Variants in RAD51B observed in about 807,000 individuals in gnomAD.
RAD51B encodes the protein DNA repair protein RAD51 homolog 2.
A neutral mutation model predicts 42.2 loss-of-function variants in RAD51B; 38 were observed. The observed-to-expected ratio is 0.90, with a 90% CI of 0.70 to 1.18. The LOEUF is 1.18. Ranked by LOEUF, RAD51B falls within the 50% of genes most tolerant of loss-of-function variation. The pLI is 0.00. For missense variants in RAD51B, 373 were observed against 400.7 expected (o/e 0.93, Z 0.59); for synonymous variants, 154 against 145.2 (o/e 1.06, Z -0.43).
chr14:68,567,458 C>G lies in RAD51B; in HGVS notation c.1037-27027C>G, dbSNP rs962402372. Among the ~76,000 whole-genome samples the G allele has an allele frequency of 3.9e-5, 6 of 152,188 alleles. No homozygotes were observed. The South Asian group carries it at 8.3e-4, about 21-fold the overall frequency. On this transcript the variant is annotated intron_variant, in intron 10 of 10. Transcript: ENST00000487270. ...CCACACCAGAGTGGTACATTTGTTA[C>G]AACTGATGAACCTACACTGACATCA...
intron 7 of RAD51B, among the ~76,000 whole-genome samples, chr14:67,929,660 C>G (rs969368737): frequency 2.6e-5 from 4 of 152,100 alleles, no homozygotes; most frequent in Admixed American, 2.6e-4. Context: ...CTCTTAAATG[C>G]TGAGATTGGG....
intron 8 of RAD51B, among the ~76,000 whole-genome samples, chr14:68,374,744 C>T (rs150984692): frequency 1.3e-5 from 2 of 148,782 alleles, no homozygotes; most frequent in African/African-American, 5.0e-5. Context: ...CTTCCCATAC[C>T]CTAACAGTAT....
chr14:68,265,917 A>C (rs750490563), intron 7 of RAD51B, among the ~76,000 whole-genome samples: 1 of 152,250 alleles, frequency 6.6e-6, no homozygotes, highest in Non-Finnish European at 1.5e-5. Context: ...CTCATTTATA[A>C]CATGAATTAT....
chr14:68,218,675 CTG>C (rs972072525), intron 7 of RAD51B, among the ~76,000 whole-genome samples: 1 of 152,146 alleles, frequency 6.6e-6, no homozygotes, highest in African/African-American at 2.4e-5. Context: ...TAGTTAAAAA[CTG>C]TGAAAAACTG....
At chr14:68,375,182 A>G (rs2083342060) in intron 8 of RAD51B, among the ~76,000 whole-genome samples, 1 of 151,830 alleles carries the variant, frequency 6.6e-6, no homozygotes, top group Non-Finnish European at 1.5e-5. Flanking sequence ...TTCAGGAGCC[A>G]GGGTGTGAGG....
intron 7 of RAD51B, among the ~76,000 whole-genome samples, chr14:68,252,559 A>T (rs2080658365): frequency 6.6e-6 from 1 of 152,206 alleles, no homozygotes; most frequent in Admixed American, 6.5e-5. Flanking sequence ...TGGTATTTTA[A>T]TAGGGTCACA....
intron 7 of RAD51B, among the ~76,000 whole-genome samples, chr14:67,905,437 T>C (rs1371969843): frequency 1.3e-5 from 2 of 152,162 alleles, no homozygotes; most frequent in Admixed American, 6.5e-5. Flanking sequence ...TAGGTTTTTT[T>C]CCAATTCTGT....
At chr14:68,654,656 G>A (rs1892772230) in intron 11 of RAD51B, among the ~76,000 whole-genome samples, 1 of 152,200 alleles carries the variant, frequency 6.6e-6, no homozygotes, top group African/African-American at 2.4e-5. Flanking sequence ...TGCAGTTGGT[G>A]AGGATCGTGA....
intron 10 of RAD51B, among the ~76,000 whole-genome samples, chr14:68,475,931 G>A (rs942990016): frequency 6.6e-6 from 1 of 151,404 alleles, no homozygotes; most frequent in African/African-American, 2.4e-5. Context: ...AGAACTTCAT[G>A]TTCTTTCTGG....
intron 9 of RAD51B, chr14:68,422,114 T>G (rs1239810652): frequency 1.4e-6 from 2 of 1,461,492 alleles, no homozygotes; most frequent in African/African-American, 2.8e-5. Context: ...CTTTGGGATC[T>G]TGTCTGCAAA....
intron 7 of RAD51B, among the ~76,000 whole-genome samples, chr14:68,004,904 A>G (rs1281921136): frequency 2.0e-5 from 3 of 151,900 alleles, no homozygotes; most frequent in Admixed American, 2.0e-4. Context: ...TCTGTAGTGT[A>G]TTTGTGAGAT....
chr14:68,224,884 G>A (rs1269819492), intron 7 of RAD51B, among the ~76,000 whole-genome samples: 1 of 151,860 alleles, frequency 6.6e-6, no homozygotes, highest in Non-Finnish European at 1.5e-5. Flanking sequence ...GTAGAGACGG[G>A]GTTTCACCAT....
At chr14:68,475,641 T>C (rs1168696007) in intron 10 of RAD51B, among the ~76,000 whole-genome samples, 2 of 152,088 alleles carry the variant, frequency 1.3e-5, no homozygotes, top group South Asian at 2.1e-4. Flanking sequence ...TCCAAAGTCA[T>C]AGACCAAACA....
At chr14:67,865,535 CTTTTTTTTTT>C (rs34247540) in intron 5 of RAD51B, among the ~76,000 whole-genome samples, 1 of 89,964 alleles carries the variant, frequency 1.1e-5, no homozygotes, top group Non-Finnish European at 2.2e-5. Context: ...CTGTGCCTGG[CTTTTTTTTTT>C]TTTTTTTTTT....
intron 7 of RAD51B, among the ~76,000 whole-genome samples, chr14:68,220,823 C>T (rs1310043163): frequency 6.6e-6 from 1 of 152,152 alleles, no homozygotes; most frequent in Non-Finnish European, 1.5e-5. Context: ...AGCAGCCAAG[C>T]TGAGAATCAA....
At chr14:67,846,742 G>A (rs1449800292) in intron 4 of RAD51B, among the ~76,000 whole-genome samples, 1 of 152,146 alleles carries the variant, frequency 6.6e-6, no homozygotes, top group Non-Finnish European at 1.5e-5. Context: ...GATTGGACTG[G>A]CTCCATTTCA....
intron 1 of RAD51B, among the ~76,000 whole-genome samples, chr14:67,820,997 C>A (rs988867640): frequency 1.3e-5 from 2 of 152,126 alleles, no homozygotes; most frequent in African/African-American, 4.8e-5. Context: ...TTCTCTGCGA[C>A]CCTAAGAAGT....
intron 10 of RAD51B, among the ~76,000 whole-genome samples, chr14:68,629,180 G>T (rs1361755667): frequency 2.6e-5 from 4 of 152,136 alleles, no homozygotes; most frequent in African/African-American, 4.8e-5. Flanking sequence ...TTGGGACATT[G>T]TTCAAACAAA....
At chr14:68,458,475 G>A (rs117931926) in intron 9 of RAD51B, among the ~76,000 whole-genome samples, 9,447 of 152,092 alleles carry the variant, frequency 0.062, 404 homozygotes, top group Non-Finnish European at 0.091. Flanking sequence ...TTTTCTTTAA[G>A]GAGCCCTAGC....
Sources: gnomAD v4.1 joint callset for allele counts (sites outside exome capture counted in the v4.1 genomes callset) on GRCh38, gnomAD v4.1.1 for gene constraint, MANE v1.5 for transcripts, NCBI Gene and HGNC (gene_info 2026-07-23, HGNC 2026-07-21) for gene names.